RIPK1: variants seen among roughly 807,000 people sequenced by gnomAD.
The protein encoded by RIPK1 is receptor-interacting serine/threonine-protein kinase 1.
Under a neutral mutation model 62.4 loss-of-function variants are expected in RIPK1, and 27 were observed. The ratio of observed to expected loss-of-function variants is 0.43; its 90% CI spans 0.32 to 0.60. The LOEUF (loss-of-function observed/expected upper bound fraction) is 0.60, where lower values mean the gene tolerates loss of function less well. Ranked by LOEUF, RIPK1 falls within the 20% of genes least tolerant of loss-of-function variation. The pLI, the probability that RIPK1 is intolerant of heterozygous loss-of-function variation, is 0.07. For synonymous variants in RIPK1, 287 were observed against 303.2 expected (o/e 0.95, Z 0.55); for missense variants, 735 against 831.0 (o/e 0.88, Z 1.42).
chr6:3,077,014 C>T, intron 2 of RIPK1, 27 bp downstream of exon 2: 1 of 1,396,656 alleles, frequency 7.2e-7, no homozygotes, highest in Non-Finnish European at 1.0e-6. Context: ...GGTGGGTGGG[C>T]TAAGTTCTGA....
chr6:3,069,071 C>T (rs1758551486), intron 1 of RIPK1, among the ~76,000 whole-genome samples: 1 of 152,220 alleles, frequency 6.6e-6, no homozygotes, highest in African/African-American at 2.4e-5. Context: ...GAGGTCGGGG[C>T]GCTGGACTGG....
At chr6:3,089,733 T>C in intron 7 of RIPK1, 76 bp downstream of exon 7, 1 of 843,054 alleles carries the variant, frequency 1.2e-6, no homozygotes, top group Non-Finnish European at 2.0e-6. Context: ...CAAAACAAAG[T>C]GATTTGTTAT....
rs114145894 is a variant in RIPK1 at position 3,085,386 on chromosome 6, G to A, written c.816G>A (p.Pro272=). 3.7e-5 allele frequency: 59 copies of A among 1,614,166 alleles called. No homozygotes were observed. Among genetic ancestry groups the A allele is most frequent in the Admixed American group, 8.3e-5 (5 of 60,018 alleles). Residue 272 remains proline, a synonymous_variant, in exon 6 of 11, where the codon CCG becomes CCA. Transcript: ENST00000259808. ...SLMKLCWEAN[P]EARPTFPGIE... ...TGAAGCTCTGCTGGGAAGCGAATCC[G>A]GAAGCTCGGCCGACATTTCCTGGTA...
Position 3,083,180 on chromosome 6 carries a change from G to T in RIPK1, c.555G>T (p.Lys185Asn). 6.2e-6 allele frequency: 10 copies of T among 1,614,068 alleles called. No individual in the cohort carries two copies. The highest frequency in any genetic ancestry group is 8.5e-6 in the Non-Finnish European group (10 of 1,179,990). ...GGGAAGTGGACGGCACCGCTAAGAAGAATGGCGGCACCCTCTACTACATGG... is the reference window on the plus strand; with the variant it reads ...GGGAAGTGGACGGCACCGCTAAGAATAATGGCGGCACCCTCTACTACATGG... ...ELREVDGTAKKNGGTLYYMAP... is the reference protein window; with the variant it reads ...ELREVDGTAKNNGGTLYYMAP... The change falls in exon 5 of 11, where the codon AAG (lysine) becomes AAT (asparagine). Residue 185 changes from lysine (K) to asparagine (N), a missense_variant. Transcript: ENST00000259808.
At chr6:3,089,469 T>A in intron 6 of RIPK1, 112 bp from the exon 7 acceptor site, 1 of 659,384 alleles carries the variant, frequency 1.5e-6, no homozygotes, top group Non-Finnish European at 2.7e-6. Flanking sequence ...AAATTTTTAT[T>A]TAAGCTTTGC....
intron 7 of RIPK1, among the ~76,000 whole-genome samples, chr6:3,090,905 A>C (rs12110726): frequency 2.6e-5 from 1 of 37,938 alleles, no homozygotes; most frequent in Non-Finnish European, 3.9e-5. Context: ...TGCCGCACCT[A>C]GTAACCGCAG....
At chr6:3,068,827 G>C (rs1003978005) in intron 1 of RIPK1, 166 bp downstream of exon 1, 1 of 247,568 alleles carries the variant, frequency 4.0e-6, no homozygotes, top group South Asian at 1.5e-4. Flanking sequence ...CCCTCACCCG[G>C]GCCTCCAGAC....
chr6:3,071,156 G>T (rs1041767535), intron 1 of RIPK1, among the ~76,000 whole-genome samples: 18 of 152,140 alleles, frequency 1.2e-4, no homozygotes, highest in Non-Finnish European at 1.9e-4. Context: ...GAAATCCTCT[G>T]GTCACTTGGA....
At chr6:3,112,707 A>AT (rs1554118052) in intron 10 of RIPK1, among the ~76,000 whole-genome samples, 69 of 150,446 alleles carry the variant, frequency 4.6e-4, no homozygotes, top group African/African-American at 1.2e-3. Context: ...ATTAAAAAAA[A>AT]TTTTTTTTTT....
intron 1 of RIPK1, among the ~76,000 whole-genome samples, chr6:3,069,514 C>T (rs2113536001): frequency 6.6e-6 from 1 of 152,274 alleles, no homozygotes; most frequent in Middle Eastern, 3.4e-3. Flanking sequence ...CTCTTGCTGA[C>T]CATTTGGCTC....
upstream of RIPK1, among the ~76,000 whole-genome samples, chr6:3,065,078 T>C (rs1444429765): frequency 6.7e-6 from 1 of 149,940 alleles, no homozygotes; most frequent in African/African-American, 2.5e-5. Context: ...CCGTCTCTAC[T>C]AAAAAAAAGA....
upstream of RIPK1, chr6:3,068,210 C>T (rs1215163720): frequency 1.0e-6 from 1 of 985,464 alleles, no homozygotes; most frequent in Non-Finnish European, 1.2e-6. Flanking sequence ...GCTAACTTGC[C>T]TATGCTAACC....
chr6:3,094,917 T>A (rs1426273139), intron 7 of RIPK1, among the ~76,000 whole-genome samples: 1 of 151,694 alleles, frequency 6.6e-6, no homozygotes, highest in Non-Finnish European at 1.5e-5. Context: ...AATAAAAAAT[T>A]AATGAGACAT....
chr6:3,083,111 T>A lies in RIPK1; in HGVS notation c.486T>A (p.Phe162Leu), dbSNP rs1759492493. Residue 162 changes from phenylalanine to leucine, a missense_variant, in exon 5 of 11, where the codon TTT (phenylalanine) becomes TTA (leucine). Phe to Leu is a conservative substitution (Grantham distance 22). Transcript: ENST00000259808. ...TCGCAGACCTCGGCCTTGCCTCCTT[T>A]AAGATGTGGAGCAAACTGAATAATG... ...IKIADLGLAS[F>L]KMWSKLNNEE... 3 of 1,613,962 alleles carry A rather than the reference T, an allele frequency of 1.9e-6. No homozygotes were observed. Among genetic ancestry groups the A allele is most frequent in the Non-Finnish European group, 1.7e-6 (2 of 1,179,896 alleles).
intron 7 of RIPK1, among the ~76,000 whole-genome samples, chr6:3,098,956 G>A (rs1760460530): frequency 6.6e-6 from 1 of 152,342 alleles, no homozygotes; most frequent in East Asian, 1.9e-4. Context: ...TGGCTCAGAA[G>A]GGGAGTACCT....
intron 6 of RIPK1, among the ~76,000 whole-genome samples, chr6:3,086,638 G>A (rs1466558611): frequency 6.6e-6 from 1 of 152,238 alleles, no homozygotes; most frequent in Admixed American, 6.5e-5. Context: ...TACAAGGTGA[G>A]GTATGGGAGG....
At chr6:3,104,412 A>T in intron 8 of RIPK1, 97 bp downstream of exon 8, 1 of 654,712 alleles carries the variant, frequency 1.5e-6, no homozygotes, top group South Asian at 1.9e-5. Flanking sequence ...TGGGAAACAG[A>T]AGAAACTATA....
intron 8 of RIPK1, among the ~76,000 whole-genome samples, chr6:3,104,957 T>A (rs571702577): frequency 6.6e-6 from 1 of 152,200 alleles, no homozygotes; most frequent in East Asian, 1.9e-4. Context: ...GTTCAAGCGA[T>A]TCTTCTGCCT....
In RIPK1 at chr6:3,113,009, A is replaced by G; in HGVS notation, c.1730-44A>G. The G allele has an allele frequency of 1.4e-6, 2 of 1,472,762 alleles. No individual in the cohort carries two copies. Among genetic ancestry groups the G allele is most frequent in the Non-Finnish European group, 1.8e-6 (2 of 1,102,954 alleles). 91.2% of individuals were successfully genotyped at this position (1,472,762 alleles called of 1,614,324 possible). A position where few individuals can be genotyped will look rare whatever the true frequency, so the allele number is the denominator to read the frequency against. On this transcript the variant is annotated intron_variant, in intron 10 of 10. Transcript: ENST00000259808. The surrounding 1 kb of genome is among the most constrained non-coding windows in gnomAD (Gnocchi z 5.0). ...GCAATTCAGGAAGCTGGAATGTTTG[A>G]ATGGGTTTTAGCTTGATACCTTCTT... is the stretch of plus-strand genomic sequence containing the variant.
Sources: allele counts gnomAD v4.1 joint callset (sites outside exome capture counted in the v4.1 genomes callset), GRCh38; gene constraint gnomAD v4.1.1; non-coding constraint Gnocchi (gnomAD v3.1); transcripts MANE v1.5; gene names NCBI Gene and HGNC (gene_info 2026-07-23, HGNC 2026-07-21).